UBE2U: variants seen among roughly 807,000 people sequenced by gnomAD.
UBE2U encodes the protein ubiquitin-conjugating enzyme E2 U.
In UBE2U, 39 loss-of-function variants were observed where a neutral mutation model predicts 41.2. That is an observed-to-expected ratio of 0.95 (90% confidence interval 0.73 to 1.24). UBE2U has a LOEUF of 1.24. Ranked by LOEUF, UBE2U falls within the 50% of genes most tolerant of loss-of-function variation. The pLI, the probability that UBE2U is intolerant of heterozygous loss-of-function variation, is 0.00. For synonymous variants in UBE2U, 107 were observed against 117.8 expected (o/e 0.91, Z 0.60); for missense variants, 336 against 363.1 (o/e 0.93, Z 0.61).
chr1:64,211,497 C>T (rs754735816), intron 4 of UBE2U, among the ~76,000 whole-genome samples: 8 of 152,048 alleles, frequency 5.3e-5, no homozygotes, highest in East Asian at 1.9e-4. Context: ...TAGAGTGCAA[C>T]GGCACAATCC....
intron 8 of UBE2U, among the ~76,000 whole-genome samples, 179 bp downstream of exon 8, chr1:64,241,912 G>A (rs1644841181): frequency 1.3e-5 from 2 of 151,972 alleles, no homozygotes; most frequent in African/African-American, 4.8e-5. Flanking sequence ...TATGAACCCA[G>A]GTAGGAAATA....
chr1:64,239,172 G>GAAGAAGAAGAAGAAGAAGAAGAAGAA (rs1644779769), intron 7 of UBE2U, among the ~76,000 whole-genome samples: 8 of 95,698 alleles, frequency 8.4e-5, no homozygotes, highest in African/African-American at 3.7e-4. Context: ...AGAAGAAGAA[G>GAAGAAGAAGAAGAAGAAGAAGAAGAA]AAGAAGAAGA....
intron 9 of UBE2U, among the ~76,000 whole-genome samples, chr1:64,261,704 C>G (rs1023723970): frequency 6.6e-6 from 1 of 152,124 alleles, no homozygotes; most frequent in Non-Finnish European, 1.5e-5. Context: ...GAAATGTTGC[C>G]TTCTCCAGCC....
At chr1:64,226,549 A>T (rs373867611) in intron 6 of UBE2U, among the ~76,000 whole-genome samples, 9 of 152,196 alleles carry the variant, frequency 5.9e-5, no homozygotes, top group African/African-American at 1.9e-4. Flanking sequence ...TTAAAAAGCT[A>T]TTCAAGCCAG....
At chr1:64,259,137 T>C (rs537969538) in intron 8 of UBE2U, among the ~76,000 whole-genome samples, 2 of 152,360 alleles carry the variant, frequency 1.3e-5, no homozygotes, top group South Asian at 2.1e-4. Context: ...GAAGTGTCTG[T>C]TCATATCCTT....
intron 8 of UBE2U, among the ~76,000 whole-genome samples, chr1:64,245,253 A>T (rs542748839): frequency 6.6e-6 from 1 of 152,296 alleles, no homozygotes; most frequent in East Asian, 1.9e-4. Flanking sequence ...TTTCCGTTAA[A>T]GGATACGAAT....
intron 6 of UBE2U, among the ~76,000 whole-genome samples, chr1:64,221,259 C>T (rs900610182): frequency 9.9e-5 from 15 of 152,034 alleles, no homozygotes; most frequent in African/African-American, 3.6e-4. Flanking sequence ...TTATAGGCAC[C>T]TTCCACCACA....
intron 6 of UBE2U, among the ~76,000 whole-genome samples, chr1:64,226,045 C>T (rs1458612919): frequency 6.6e-6 from 1 of 152,040 alleles, no homozygotes; most frequent in East Asian, 1.9e-4. Context: ...AATATATGTT[C>T]ACAGGAAGAG....
At chr1:64,233,174 A>AT (rs1644602960) in intron 7 of UBE2U, among the ~76,000 whole-genome samples, 1 of 151,646 alleles carries the variant, frequency 6.6e-6, no homozygotes, top group East Asian at 1.9e-4. Flanking sequence ...CGCCCAGCTA[A>AT]TTTTTTGTAT....
intron 4 of UBE2U, among the ~76,000 whole-genome samples, chr1:64,214,435 ACT>A (rs1487754478): frequency 6.6e-6 from 1 of 152,222 alleles, no homozygotes; most frequent in East Asian, 1.9e-4. Flanking sequence ...CAATTATCAC[ACT>A]GTTATTCAAG....
chr1:64,234,374 A>G (rs1032566027), intron 7 of UBE2U, among the ~76,000 whole-genome samples: 7 of 152,056 alleles, frequency 4.6e-5, no homozygotes, highest in Non-Finnish European at 8.8e-5. Context: ...GTTGATTTTT[A>G]TCTGCTGCAA....
At chr1:64,221,017 A>G in intron 6 of UBE2U, 110 bp downstream of exon 6, 1 of 660,338 alleles carries the variant, frequency 1.5e-6, no homozygotes, top group African/African-American at 1.9e-5. Flanking sequence ...ATTTAGAAAC[A>G]TCTTATAATA....
At chr1:64,253,501 A>G (rs1357876827) in intron 8 of UBE2U, among the ~76,000 whole-genome samples, 1 of 152,172 alleles carries the variant, frequency 6.6e-6, no homozygotes, top group African/African-American at 2.4e-5. Flanking sequence ...AAAAATGTTC[A>G]GGGAAGACAG....
chr1:64,249,453 A>C (rs1156778180), intron 8 of UBE2U, among the ~76,000 whole-genome samples: 1 of 151,602 alleles, frequency 6.6e-6, no homozygotes, highest in Admixed American at 6.6e-5. Flanking sequence ...AAGAAATTAC[A>C]TCAATACAAA....
chr1:64,218,322 G>A (rs568363762), intron 5 of UBE2U, among the ~76,000 whole-genome samples: 6 of 151,878 alleles, frequency 4.0e-5, no homozygotes, highest in South Asian at 2.1e-4. Flanking sequence ...CTCGAGTTAC[G>A]TACCTCTTTT....
intron 6 of UBE2U, among the ~76,000 whole-genome samples, chr1:64,228,968 T>C (rs1653089884): frequency 6.6e-6 from 1 of 150,734 alleles, no homozygotes; most frequent in Non-Finnish European, 1.5e-5. Flanking sequence ...TCAAGCAATT[T>C]TCCTGTCTCA....
chr1:64,221,017 ATCTTAT>A, intron 6 of UBE2U, 110 bp downstream of exon 6: 1 of 660,338 alleles, frequency 1.5e-6, no homozygotes, highest in Non-Finnish European at 2.4e-6. Context: ...ATTTAGAAAC[ATCTTAT>A]AATATCTTTT....
At chr1:64,207,378 TGACCATCC>T (rs1651365183) in intron 3 of UBE2U, among the ~76,000 whole-genome samples, 1 of 152,210 alleles carries the variant, frequency 6.6e-6, no homozygotes, top group Non-Finnish European at 1.5e-5. Flanking sequence ...CTTGAACTCC[TGACCATCC>T]GCCCACTTTG....
intron 6 of UBE2U, among the ~76,000 whole-genome samples, chr1:64,231,944 A>G (rs997343337): frequency 1.3e-5 from 2 of 152,220 alleles, no homozygotes; most frequent in African/African-American, 4.8e-5. Flanking sequence ...GCAGTTATTT[A>G]AGGGACTGCT....
Sources: allele counts gnomAD v4.1 joint callset (sites outside exome capture counted in the v4.1 genomes callset), GRCh38; gene constraint gnomAD v4.1.1; transcripts MANE v1.5; gene names NCBI Gene and HGNC (gene_info 2026-07-23, HGNC 2026-07-21).